Variants in KLF3 observed in about 807,000 individuals in gnomAD.
KLF3 encodes Krueppel-like factor 3.
Under a neutral mutation model 32.7 loss-of-function variants are expected in KLF3, and 6 were observed. The ratio of observed to expected loss-of-function variants is 0.18; its 90% confidence interval spans 0.10 to 0.36. The LOEUF is 0.36. Among genes scored for constraint, KLF3 ranks in the 10% least tolerant of loss-of-function variants. The probability of loss-of-function intolerance (pLI) is 1.00; values close to 1 mark genes in which losing one functional copy is unlikely to be tolerated. For synonymous variants in KLF3, 145 were observed against 172.8 expected, an observed-to-expected ratio of 0.84 and a Z score of 1.26; for missense variants, 338 against 449.7, an observed-to-expected ratio of 0.75 and a Z score of 2.25.
chr4:38,692,071 C>A (rs1722891706), intron 4 of KLF3, among the ~76,000 whole-genome samples: 1 of 152,128 alleles, frequency 6.6e-6, no homozygotes, highest in Non-Finnish European at 1.5e-5. Flanking sequence ...AAAAAGATTT[C>A]TTTGTTCTAA....
intron 5 of KLF3, among the ~76,000 whole-genome samples, chr4:38,695,500 T>C (rs551818653): frequency 2.8e-4 from 42 of 152,312 alleles, no homozygotes; most frequent in Middle Eastern, 3.4e-3. Flanking sequence ...TAAAAGTCAT[T>C]ACATGGCCGA....
intron 1 of KLF3, among the ~76,000 whole-genome samples, chr4:38,677,109 C>T (rs941532689): frequency 6.1e-4 from 92 of 151,932 alleles, no homozygotes; most frequent in African/African-American, 4.1e-4. Context: ...TGCAGGTGTG[C>T]GCCACCACAC....
rs928163428 is a variant in KLF3 at position 38,680,221 on chromosome 4, G to GT, written c.-39-356dup. 1.9e-3 allele frequency among the ~76,000 whole-genome samples: 281 copies of GT among 148,986 alleles called. 2 individuals are homozygous for GT. In the East Asian group the frequency reaches 0.033, roughly 17 times the overall value. On this transcript the variant is annotated intron_variant, in intron 1 of 5. Transcript: ENST00000261438. Reference sequence around the variant, plus strand: ...TTCATTTTATTATTTATTTATTTATGTTTTTTTTTTGAGGTAGTGCCTCGC... The same window carrying GT: ...TTCATTTTATTATTTATTTATTTATGTTTTTTTTTTTGAGGTAGTGCCTCGC...
At position 38,664,297 on chromosome 4, in the gene KLF3, G is replaced by A. The variant is rs912564421; in HGVS notation, c.-204G>A. The A allele has an allele frequency of 4.6e-5, 7 of 152,148 alleles. No individual in the cohort carries two copies. Among genetic ancestry groups the A allele is most frequent in the Admixed American group, 2.0e-4 (3 of 15,276 alleles). 9.4% of individuals were successfully genotyped at this position (152,148 alleles called of 1,614,324 possible). Reference sequence around the variant, plus strand: ...CCGCGCGGAGCCGGGGCCCGAGCCGGAGCGCAGCGAGAGCGCCCGCCGCAC... The same window carrying A: ...CCGCGCGGAGCCGGGGCCCGAGCCGAAGCGCAGCGAGAGCGCCCGCCGCAC... On this transcript the variant is annotated 5_prime_UTR_variant, in exon 1 of 6. Coordinates refer to ENST00000261438, the MANE Select transcript of KLF3 (RefSeq NM_016531.6).
intron 1 of KLF3, among the ~76,000 whole-genome samples, chr4:38,679,329 A>C (rs1432566413): frequency 6.6e-6 from 1 of 152,268 alleles, no homozygotes; most frequent in African/African-American, 2.4e-5. Flanking sequence ...TCAATTTAGA[A>C]TAAAAATCAT....
chr4:38,672,024 A>C (rs1029821997), intron 1 of KLF3, among the ~76,000 whole-genome samples: 27 of 152,116 alleles, frequency 1.8e-4, no homozygotes, highest in African/African-American at 6.3e-4. Context: ...GATAATAATA[A>C]ATTATTTGAA....
At position 38,696,188 on chromosome 4, in the gene KLF3, A is replaced by G. The variant is rs1283389554; in HGVS notation, c.857-894A>G. On this transcript the variant is annotated intron_variant, in intron 5 of 5. Transcript: ENST00000261438. ...TTTGGGTGACAGTTTAGATGTAGGA[A>G]AAAAAAAAAAAAAAAAAAAACGCCT... Among the ~76,000 whole-genome samples, 3 of 43,612 alleles carry G rather than the reference A, an allele frequency of 6.9e-5. No homozygotes were observed. The African/African-American group carries it at 7.0e-4, about 10-fold the overall frequency. The allele number at this position is 43,612 out of a possible 152,430, so 28.6% of individuals were successfully genotyped here. A position where few individuals can be genotyped will look rare whatever the true frequency, so the allele number is the denominator to read the frequency against.
At chr4:38,673,813 G>A (rs917009518) in intron 1 of KLF3, among the ~76,000 whole-genome samples, 1 of 152,002 alleles carries the variant, frequency 6.6e-6, no homozygotes, top group Admixed American at 6.5e-5. Context: ...TACAGGGTGT[G>A]GGCAGAATCT....
rs144808553 is a variant in KLF3, at chr4:38,689,637, T to C, written c.545-92T>C. On this transcript the variant is annotated intron_variant, in intron 3 of 5. Transcript: ENST00000261438. ...GCCAAAGGCAAATAAACCTGTCATATCTGTGTTGTAGGTAGGAGCTATGCA... is the reference window on the plus strand; with the variant it reads ...GCCAAAGGCAAATAAACCTGTCATACCTGTGTTGTAGGTAGGAGCTATGCA... The C allele has an allele frequency of 1.7e-5, 15 of 877,896 alleles. No individual in the cohort carries two copies. In the African/African-American group the frequency reaches 2.4e-4, roughly 14 times the overall value. 54.4% of individuals were successfully genotyped at this position (877,896 alleles called of 1,614,324 possible). A position where few individuals can be genotyped will look rare whatever the true frequency, so the allele number is the denominator to read the frequency against.
intron 5 of KLF3, among the ~76,000 whole-genome samples, chr4:38,696,216 T>G (rs77522110): frequency 0.027 from 4,075 of 150,176 alleles, 198 homozygotes; most frequent in African/African-American, 0.094. Flanking sequence ...AAACGCCTCT[T>G]TGTGTGTGTA....
rs778028275 is a variant in KLF3 at position 38,680,730 on chromosome 4, G to T, written c.57+48G>T. 3.6e-6 allele frequency: 5 copies of T among 1,390,572 alleles called. No individual in the cohort carries two copies. The African/African-American group carries it at 7.1e-5, about 20-fold the overall frequency. 86.1% of individuals were successfully genotyped at this position (1,390,572 alleles called of 1,614,324 possible). The stretch of plus-strand genomic sequence containing the variant: ...CCTCGCCTTATTTTTTCCAAGTGAT[G>T]ATAACATTATTGTGTGTTGAATTAT... On this transcript the variant is annotated intron_variant, in intron 2 of 5. Coordinates refer to ENST00000261438, the MANE Select transcript of KLF3 (RefSeq NM_016531.6).
chr4:38,684,761 G>T (rs1238117602), intron 2 of KLF3, among the ~76,000 whole-genome samples: 1 of 152,010 alleles, frequency 6.6e-6, no homozygotes, highest in African/African-American at 2.4e-5. Context: ...TCATTATGTT[G>T]CCCAGGCTGG....
In KLF3 at chr4:38,674,105, A is replaced by G. The variant is rs1358802366; in HGVS notation, c.-39-6482A>G. Among the ~76,000 whole-genome samples the G allele has an allele frequency of 6.6e-6, 1 of 152,236 alleles. No homozygotes were observed. The highest frequency in any genetic ancestry group is 1.5e-5 in the Non-Finnish European group (1 of 68,040). On this transcript the variant is annotated intron_variant, in intron 1 of 5. Transcript: ENST00000261438. This position sits in a 1 kb window ranked among gnomAD's most constrained non-coding sequence, Gnocchi z 4.1. ...TTTTTCTCCTTTTCAAACCAGTCAT[A>G]GAAGAGTAGGACAGGTGAAAATCAC...
intron 3 of KLF3, 107 bp from the exon 4 acceptor site, chr4:38,689,622 A>G: frequency 1.3e-6 from 1 of 791,940 alleles, no homozygotes; most frequent in African/African-American, 1.7e-5. Flanking sequence ...GCCAAAGGCA[A>G]ATAAACCTGT....
intron 4 of KLF3, among the ~76,000 whole-genome samples, chr4:38,691,951 A>G (rs1315237638): frequency 6.6e-6 from 1 of 152,246 alleles, no homozygotes; most frequent in Non-Finnish European, 1.5e-5. Context: ...CCAGAGGCAG[A>G]CTTAAAAGTA....
intron 2 of KLF3, among the ~76,000 whole-genome samples, chr4:38,683,861 C>G (rs1342259840): frequency 1.3e-5 from 2 of 152,202 alleles, no homozygotes; most frequent in African/African-American, 2.4e-5. Context: ...CAGTAATTTC[C>G]TCTGCTCTTT....
chr4:38,699,220 T>C lies in KLF3; in HGVS notation c.*1957T>C, dbSNP rs1319882187. ...CTTTAGGATACTAAAACATCCTAAT[T>C]GGGCTGTTTTTTTGTTTTGTTTTGT... On this transcript the variant is annotated 3_prime_UTR_variant, in exon 6 of 6. Coordinates refer to ENST00000261438, the MANE Select transcript of KLF3 (RefSeq NM_016531.6). 1 of 152,190 alleles carries C rather than the reference T, an allele frequency of 6.6e-6. No homozygotes were observed. The highest frequency in any genetic ancestry group is 1.5e-5 in the Non-Finnish European group (1 of 68,030). The allele number at this position is 152,190 out of a possible 1,614,324, so 9.4% of individuals were successfully genotyped here.
intron 1 of KLF3, among the ~76,000 whole-genome samples, chr4:38,670,149 G>A (rs1284907814): frequency 6.6e-6 from 1 of 152,150 alleles, no homozygotes; most frequent in Non-Finnish European, 1.5e-5. Context: ...TTATTTAGAA[G>A]GGCTGGAGAC....
At chr4:38,666,204 C>T (rs913888707) in intron 1 of KLF3, among the ~76,000 whole-genome samples, 3 of 152,058 alleles carry the variant, frequency 2.0e-5, no homozygotes, top group Admixed American at 1.3e-4. Context: ...AATGCAAGTA[C>T]AAAAATCTCA....
Sources: gnomAD v4.1 joint callset for allele counts (sites outside exome capture counted in the v4.1 genomes callset) on GRCh38, gnomAD v4.1.1 for gene constraint, Gnocchi (gnomAD v3.1) non-coding constraint, MANE v1.5 for transcripts, NCBI Gene and HGNC (gene_info 2026-07-23, HGNC 2026-07-21) for gene names.